The following RUNX1T1 variants were observed in gnomAD, a reference collection of about 807,000 sequenced individuals.
RUNX1T1 encodes the protein protein CBFA2T1.
In RUNX1T1, 4 loss-of-function variants were observed where a neutral mutation model predicts 62.8. The ratio of observed to expected loss-of-function variants is 0.06; its 90% CI spans 0.03 to 0.15. The LOEUF (loss-of-function observed/expected upper bound fraction) is 0.15, where lower values mean the gene tolerates loss of function less well. Ranked by LOEUF, RUNX1T1 falls within the 10% of genes least tolerant of loss-of-function variation. The pLI, the probability that RUNX1T1 is intolerant of heterozygous loss-of-function variation, is 1.00. For missense variants in RUNX1T1, 508 were observed against 754.3 expected (o/e 0.67, Z 3.82); for synonymous variants, 291 against 286.0 (o/e 1.02, Z -0.18).
chr8:92,063,413 T>G (rs763395352), upstream of RUNX1T1: 1 of 152,196 alleles, frequency 6.6e-6, no homozygotes, highest in Non-Finnish European at 1.5e-5. Flanking sequence ...AACAAAATCT[T>G]CATTGTAAAG....
chr8:91,998,346 G>C (rs1457936406), intron 5 of RUNX1T1, among the ~76,000 whole-genome samples: 2 of 152,144 alleles, frequency 1.3e-5, no homozygotes, highest in South Asian at 2.1e-4. Context: ...TAGAGGGAGG[G>C]GGACATTTAG....
At position 91,970,043 on chromosome 8, in the gene RUNX1T1, T is replaced by TGTTGTGTGTG. The variant is rs11374252; in HGVS notation, c.1458+614_1458+615insCACACACAAC. Among the ~76,000 whole-genome samples the TGTTGTGTGTG allele has an allele frequency of 3.1e-3, 436 of 142,760 alleles. 1 individual carries two copies. Among genetic ancestry groups the TGTTGTGTGTG allele is most frequent in the East Asian group, 8.1e-3 (39 of 4,808 alleles). 93.7% of individuals were successfully genotyped at this position (142,760 alleles called of 152,430 possible). A position where few individuals can be genotyped will look rare whatever the true frequency, so the allele number is the denominator to read the frequency against. ...CTGTGTGTGTGTGTGTGTGTGTGTG[T>TGTTGTGTGTG]TGTGTGTGTGTGTGTGAGAATTATT... On this transcript the variant is annotated intron_variant, in intron 10 of 10. Transcript: ENST00000396218.
At chr8:91,961,218 G>A (rs1447812643) in intron 10 of RUNX1T1, among the ~76,000 whole-genome samples, 1 of 152,218 alleles carries the variant, frequency 6.6e-6, no homozygotes, top group Admixed American at 6.5e-5. Context: ...CAGAATGGGT[G>A]CCTGATAGAT....
At chr8:91,987,101 G>C (rs886554824) in intron 6 of RUNX1T1, 129 bp from the exon 8 acceptor site, 20 of 688,236 alleles carry the variant, frequency 2.9e-5, no homozygotes, top group African/African-American at 2.8e-4. Context: ...ATGGAGACAT[G>C]AGTCATATTT....
intron 2 of RUNX1T1, among the ~76,000 whole-genome samples, chr8:92,016,001 CAGTGCAACACTGCAT>C (rs1278532670): frequency 6.6e-6 from 1 of 152,154 alleles, no homozygotes; most frequent in African/African-American, 2.4e-5. Flanking sequence ...TTTTAAATGG[CAGTGCAACACTGCAT>C]AAACAGCCTG....
intron 1 of RUNX1T1, among the ~76,000 whole-genome samples, chr8:92,089,279 AGTTTTACAAACTAAAG>A (rs1457369662): frequency 6.6e-6 from 1 of 152,216 alleles, no homozygotes; most frequent in Non-Finnish European, 1.5e-5. Context: ...CACCTACATC[AGTTTTACAAACTAAAG>A]TACAAAATCA....
At chr8:92,077,373 A>G (rs1430833967) in intron 1 of RUNX1T1, among the ~76,000 whole-genome samples, 1 of 152,128 alleles carries the variant, frequency 6.6e-6, no homozygotes, top group East Asian at 1.9e-4. Context: ...AAAAATTTCA[A>G]TGCTATAACC....
chr8:92,089,224 C>A (rs896699134), intron 1 of RUNX1T1, among the ~76,000 whole-genome samples: 1 of 152,132 alleles, frequency 6.6e-6, no homozygotes, highest in Non-Finnish European at 1.5e-5. Flanking sequence ...CTATTTATAA[C>A]CACCCAAATT....
At chr8:92,041,045 G>A (rs1037096967) in intron 1 of RUNX1T1, among the ~76,000 whole-genome samples, 1 of 151,992 alleles carries the variant, frequency 6.6e-6, no homozygotes, top group Non-Finnish European at 1.5e-5. Flanking sequence ...AATACTCACC[G>A]AGCATTTACC....
chr8:92,097,157 A>G (rs1837814105), intron 1 of RUNX1T1, among the ~76,000 whole-genome samples: 1 of 152,216 alleles, frequency 6.6e-6, no homozygotes, highest in Non-Finnish European at 1.5e-5. Flanking sequence ...CAGTAATCCA[A>G]TAACGTGGAA....
upstream of RUNX1T1, among the ~76,000 whole-genome samples, chr8:92,063,838 G>A (rs1832449061): frequency 6.6e-6 from 1 of 152,138 alleles, no homozygotes; most frequent in Non-Finnish European, 1.5e-5. Flanking sequence ...AGCTGCCTCA[G>A]GCTTTACCTT....
At chr8:92,090,522 G>A (rs569045510) in intron 1 of RUNX1T1, among the ~76,000 whole-genome samples, 1 of 152,216 alleles carries the variant, frequency 6.6e-6, no homozygotes, top group East Asian at 1.9e-4. Context: ...AACAGAATTT[G>A]GTAATAGAGA....
At chr8:92,034,686 G>A (rs1826919629) in intron 1 of RUNX1T1, among the ~76,000 whole-genome samples, 1 of 103,200 alleles carries the variant, frequency 9.7e-6, no homozygotes, top group Non-Finnish European at 2.1e-5. Flanking sequence ...GTGTGTGTGT[G>A]TGTGTATACA....
exon 11 of RUNX1T1, chr8:91,959,461 T>TATATATGTGC (rs1563590516): frequency 4.1e-5 from 5 of 121,970 alleles, no homozygotes; most frequent in African/African-American, 3.4e-4. Flanking sequence ...TGTGTGTGTG[T>TATATATGTGC]GTGTGTATAT....
At chr8:91,988,201 G>A (rs1015033664) in intron 6 of RUNX1T1, among the ~76,000 whole-genome samples, 1 of 151,984 alleles carries the variant, frequency 6.6e-6, no homozygotes, top group East Asian at 1.9e-4. Flanking sequence ...CACATAAAAC[G>A]ATTTCATTTA....
chr8:92,082,389 C>T (rs1835409733), intron 1 of RUNX1T1, among the ~76,000 whole-genome samples: 1 of 152,106 alleles, frequency 6.6e-6, no homozygotes, highest in Non-Finnish European at 1.5e-5. Context: ...TGAAGAAAAT[C>T]TAGGTTCAGA....
At chr8:92,052,179 CTTAT>C (rs1170355745) in intron 1 of RUNX1T1, among the ~76,000 whole-genome samples, 1 of 152,148 alleles carries the variant, frequency 6.6e-6, no homozygotes, top group African/African-American at 2.4e-5. Flanking sequence ...ACATTGAATG[CTTAT>C]TTATGTTGAA....
At chr8:92,089,053 C>T (rs780119655) in intron 1 of RUNX1T1, among the ~76,000 whole-genome samples, 1 of 152,162 alleles carries the variant, frequency 6.6e-6, no homozygotes, top group Non-Finnish European at 1.5e-5. Context: ...TTTCTAATGT[C>T]AGATGAAAAT....
chr8:92,037,718 A>G (rs978256726), intron 1 of RUNX1T1, among the ~76,000 whole-genome samples: 1 of 152,164 alleles, frequency 6.6e-6, no homozygotes, highest in Non-Finnish European at 1.5e-5. Context: ...CCTCTGCTTT[A>G]AAAGCAGAGG....
Sources: allele counts gnomAD v4.1 joint callset (sites outside exome capture counted in the v4.1 genomes callset), GRCh38; gene constraint gnomAD v4.1.1; transcripts MANE v1.5; gene names NCBI Gene and HGNC (gene_info 2026-07-23, HGNC 2026-07-21).